CA10: variants seen among roughly 807,000 people sequenced by gnomAD.
The protein encoded by CA10 is carbonic anhydrase-related protein 10.
Under a neutral mutation model 44.2 loss-of-function variants are expected in CA10, and 14 were observed. The observed-to-expected ratio is 0.32, with a 90% CI of 0.21 to 0.50. CA10 has a LOEUF of 0.50. CA10 is among the 20% of genes least tolerant of loss of function. The pLI, the probability that CA10 is intolerant of heterozygous loss-of-function variation, is 0.99. For synonymous variants in CA10, 159 were observed against 141.6 expected, an observed-to-expected ratio of 1.12 and a Z score of -0.87; for missense variants, 350 against 409.7, an observed-to-expected ratio of 0.85 and a Z score of 1.26.
At chr17:51,975,657 C>T (rs929938628) in intron 2 of CA10, among the ~76,000 whole-genome samples, 6 of 150,992 alleles carry the variant, frequency 4.0e-5, no homozygotes, top group East Asian at 1.9e-4. Context: ...CCAGCCTGGG[C>T]GACATTGTGA....
At chr17:51,963,815 C>G (rs974219177) in intron 2 of CA10, among the ~76,000 whole-genome samples, 1 of 152,094 alleles carries the variant, frequency 6.6e-6, no homozygotes, top group Non-Finnish European at 1.5e-5. Flanking sequence ...TAAAAATACA[C>G]CTAAGTGCAT....
At chr17:51,665,446 G>T (rs1478438911) in intron 4 of CA10, among the ~76,000 whole-genome samples, 1 of 152,116 alleles carries the variant, frequency 6.6e-6, no homozygotes, top group Non-Finnish European at 1.5e-5. Flanking sequence ...TAAGGACAGG[G>T]TTTTGTCATT....
chr17:52,136,819 A>G (rs942423831), intron 1 of CA10, among the ~76,000 whole-genome samples: 4 of 152,196 alleles, frequency 2.6e-5, no homozygotes, highest in Non-Finnish European at 4.4e-5. Context: ...TTTCATGTAT[A>G]TTCCTTGTGA....
At chr17:51,796,631 CA>C (rs1484632309) in intron 3 of CA10, among the ~76,000 whole-genome samples, 1 of 152,174 alleles carries the variant, frequency 6.6e-6, no homozygotes, top group African/African-American at 2.4e-5. Flanking sequence ...ACAATAGTCA[CA>C]AAATTGTATT....
intron 3 of CA10, among the ~76,000 whole-genome samples, chr17:51,922,809 C>T (rs964654613): frequency 6.6e-6 from 1 of 152,016 alleles, no homozygotes; most frequent in African/African-American, 2.4e-5. Context: ...CTGACAATGC[C>T]TAGCTTTTTT....
At chr17:51,802,378 T>C (rs935294614) in intron 3 of CA10, among the ~76,000 whole-genome samples, 1 of 152,068 alleles carries the variant, frequency 6.6e-6, no homozygotes, top group African/African-American at 2.4e-5. Context: ...CACTCTGCCA[T>C]GCACTCTCCA....
chr17:51,697,785 G>C (rs1031800730), intron 4 of CA10, among the ~76,000 whole-genome samples: 3 of 152,212 alleles, frequency 2.0e-5, no homozygotes, highest in Admixed American at 6.5e-5. Context: ...ACTCAGTACA[G>C]TGCCTGGCAT....
rs540141416 is a variant in CA10 at position 52,158,449 on chromosome 17, C to A, written c.-663G>T. Reference sequence around the variant, plus strand: ...GGCAGGGATTATTGCCCGAAACCGCCAGCCGCCGGCAGCCTCCGCCGACCC... The same window carrying A: ...GGCAGGGATTATTGCCCGAAACCGCAAGCCGCCGGCAGCCTCCGCCGACCC... On this transcript the variant is annotated 5_prime_UTR_variant, in exon 1 of 9. Coordinates refer to ENST00000451037, the MANE Select transcript of CA10 (RefSeq NM_020178.5). The A allele has an allele frequency of 2.5e-5, 4 of 157,464 alleles. No homozygotes were observed. Among genetic ancestry groups the A allele is most frequent in the African/African-American group, 9.6e-5 (4 of 41,620 alleles). The allele number at this position is 157,464 out of a possible 1,614,324, so 9.8% of individuals were successfully genotyped here.
At chr17:51,681,418 T>C (rs916348738) in intron 4 of CA10, among the ~76,000 whole-genome samples, 4 of 152,192 alleles carry the variant, frequency 2.6e-5, no homozygotes, top group African/African-American at 4.8e-5. Flanking sequence ...TAGCCATGCA[T>C]AGCATTGGTT....
chr17:51,785,970 G>T (rs1462407286), intron 3 of CA10, among the ~76,000 whole-genome samples: 1 of 151,978 alleles, frequency 6.6e-6, no homozygotes, highest in African/African-American at 2.4e-5. Flanking sequence ...CATTTTTTTG[G>T]TGTCCTCTTC....
At chr17:51,988,147 G>A (rs1423529968) in intron 2 of CA10, among the ~76,000 whole-genome samples, 1 of 152,042 alleles carries the variant, frequency 6.6e-6, no homozygotes, top group Non-Finnish European at 1.5e-5. Flanking sequence ...AGTTGTATTT[G>A]AAATTGAACT....
chr17:52,068,186 T>A, intron 2 of CA10, among the ~76,000 whole-genome samples: 1 of 152,154 alleles, frequency 6.6e-6, no homozygotes, highest in Non-Finnish European at 1.5e-5. Context: ...AGTAATTGGA[T>A]CTTGGGGTGG....
chr17:52,117,643 C>G (rs943493769), intron 1 of CA10, among the ~76,000 whole-genome samples: 2 of 152,038 alleles, frequency 1.3e-5, no homozygotes, highest in African/African-American at 4.8e-5. Context: ...TTTATTGATG[C>G]CTAGCACATA....
intron 2 of CA10, among the ~76,000 whole-genome samples, chr17:52,009,622 T>C (rs1985716839): frequency 6.6e-6 from 1 of 152,042 alleles, no homozygotes; most frequent in Admixed American, 6.6e-5. Flanking sequence ...TCAATTATAA[T>C]TTGTTGGATA....
chr17:51,928,600 A>G (rs891138820), intron 3 of CA10, among the ~76,000 whole-genome samples: 1 of 151,974 alleles, frequency 6.6e-6, no homozygotes, highest in Non-Finnish European at 1.5e-5. Flanking sequence ...GCGACACAAA[A>G]CATGTAGTTA....
intron 4 of CA10, among the ~76,000 whole-genome samples, chr17:51,672,093 T>A (rs1340447539): frequency 2.0e-5 from 3 of 152,192 alleles, no homozygotes; most frequent in Non-Finnish European, 4.4e-5. Context: ...AAGAATTACA[T>A]AAGTTAGTGC....
intron 2 of CA10, among the ~76,000 whole-genome samples, chr17:51,962,815 A>G (rs757073195): frequency 6.6e-6 from 1 of 152,194 alleles, no homozygotes; most frequent in African/African-American, 2.4e-5. Flanking sequence ...TAGAAGTCCT[A>G]TTATCTCTGG....
At chr17:51,738,512 A>T (rs1020106302) in intron 4 of CA10, among the ~76,000 whole-genome samples, 1 of 152,194 alleles carries the variant, frequency 6.6e-6, no homozygotes, top group Non-Finnish European at 1.5e-5. Flanking sequence ...AAGAACATTT[A>T]AGACACTATA....
chr17:51,833,005 A>G (rs1304256978), intron 3 of CA10, among the ~76,000 whole-genome samples: 1 of 152,188 alleles, frequency 6.6e-6, no homozygotes, highest in Non-Finnish European at 1.5e-5. Flanking sequence ...TATGAGAGCT[A>G]CAGGCAGGTC....
Sources: gnomAD v4.1 joint callset for allele counts (sites outside exome capture counted in the v4.1 genomes callset) on GRCh38, gnomAD v4.1.1 for gene constraint, MANE v1.5 for transcripts, NCBI Gene and HGNC (gene_info 2026-07-23, HGNC 2026-07-21) for gene names.